HACD3: variants seen among roughly 807,000 people sequenced by gnomAD.
HACD3 encodes the protein 3-hydroxyacyl-CoA dehydratase 3, also known as very-long-chain (3R)-3-hydroxyacyl-CoA dehydratase 3.
HACD3 carries 30 observed loss-of-function variants against 55.2 expected under a neutral mutation model. The ratio of observed to expected loss-of-function variants is 0.54; its 90% CI spans 0.41 to 0.74. The LOEUF (loss-of-function observed/expected upper bound fraction) is 0.74, where lower values mean the gene tolerates loss of function less well. HACD3 is among the 30% of genes least tolerant of loss of function. The pLI is 0.00. For missense variants in HACD3, 363 were observed against 440.1 expected (o/e 0.82, Z 1.57); for synonymous variants, 141 against 151.7 (o/e 0.93, Z 0.52).
chr15:65,564,216 G>A lies in HACD3; in HGVS notation c.534G>A (p.Glu178=). The change falls in exon 7 of 11, where the codon GAG becomes GAA. Residue 178 remains glutamate (E), a splice_region_variant and synonymous_variant. Coordinates refer to ENST00000261875, the MANE Select transcript of HACD3 (RefSeq NM_016395.4). ...CTTAATGTATATTTTTGCCTATAGA[G>A]TCCTTTTATGACACATTCCATACTG... ...LTVRFCILGK[E]SFYDTFHTVA... is the part of the protein sequence containing the mutation. 1 of 1,612,688 alleles carries A rather than the reference G, an allele frequency of 6.2e-7. No homozygotes were observed. Among genetic ancestry groups the A allele is most frequent in the Non-Finnish European group, 8.5e-7 (1 of 1,179,346 alleles).
intron 1 of HACD3, among the ~76,000 whole-genome samples, chr15:65,546,638 A>G (rs550385486): frequency 1.3e-5 from 2 of 152,274 alleles, no homozygotes; most frequent in South Asian, 2.1e-4. Flanking sequence ...TCTGTCACCC[A>G]GGCTGGAGTC....
chr15:65,572,414 CAGT>C (rs769018273), intron 10 of HACD3, 48 bp downstream of exon 10: 3 of 1,457,438 alleles, frequency 2.1e-6, no homozygotes, highest in South Asian at 2.6e-5. Flanking sequence ...ACTTCTTAGA[CAGT>C]AGAATTAAAT....
At chr15:65,535,181 A>G (rs1450707525) in intron 1 of HACD3, among the ~76,000 whole-genome samples, 2 of 152,246 alleles carry the variant, frequency 1.3e-5, no homozygotes, top group African/African-American at 2.4e-5. Context: ...GACTATCTTT[A>G]TAATATTGGA....
At chr15:65,552,430 G>A (rs1183831390) in intron 2 of HACD3, among the ~76,000 whole-genome samples, 1 of 152,144 alleles carries the variant, frequency 6.6e-6, no homozygotes, top group Non-Finnish European at 1.5e-5. Context: ...CCGCCTCCTG[G>A]GTTCAAGTGA....
In HACD3 at chr15:65,576,356, C is replaced by CA; in HGVS notation, c.1073dup (p.Lys359GlufsTer10). On this transcript the variant is annotated frameshift_variant, in exon 11 of 11. Coordinates refer to ENST00000261875, the MANE Select transcript of HACD3 (RefSeq NM_016395.4). LOFTEE classifies it high-confidence loss of function. ...TAAACAGCGCAGACGGCGCTATGGA[C>CA]AAAAAAAGAAAAAGATCCACTAAAA... 1 of 1,599,608 alleles carries CA rather than the reference C, an allele frequency of 6.3e-7. No homozygotes were observed. Among genetic ancestry groups the CA allele is most frequent in the Non-Finnish European group, 8.5e-7 (1 of 1,173,308 alleles).
At chr15:65,561,188 C>T (rs2072240917) in intron 5 of HACD3, among the ~76,000 whole-genome samples, 1 of 152,058 alleles carries the variant, frequency 6.6e-6, no homozygotes, top group Admixed American at 6.6e-5. Context: ...ACTGGAGGGC[C>T]AGGCACGGTG....
Position 65,576,304 on chromosome 15 carries a change from T to C in HACD3, c.1014T>C (p.Gly338=). The change falls in exon 11 of 11, where the codon GGT becomes GGC. Residue 338 remains glycine, a splice_region_variant and synonymous_variant. Transcript: ENST00000261875. The part of the protein sequence containing the change: ...LQIYLIMIFL[G]LYINFRHLYK... ...TAATTGACCTCTTTTCTTTTTCAGG[T>C]TTATACATAAATTTTCGTCACCTTT... 6.3e-7 allele frequency: 1 copy of C among 1,591,542 alleles called. No individual in the cohort carries two copies. The highest frequency in any genetic ancestry group is 2.2e-5 in the East Asian group (1 of 44,590).
intron 1 of HACD3, among the ~76,000 whole-genome samples, chr15:65,540,987 G>A (rs1329848623): frequency 6.6e-6 from 1 of 152,074 alleles, no homozygotes; most frequent in African/African-American, 2.4e-5. Context: ...GAGAGGAAGG[G>A]AAAAGAATTA....
intron 1 of HACD3, among the ~76,000 whole-genome samples, chr15:65,533,188 A>T (rs148716028): frequency 6.1e-4 from 93 of 152,276 alleles, no homozygotes; most frequent in African/African-American, 2.1e-3. Context: ...TGGGTTTATT[A>T]CTCATTGCAT....
chr15:65,545,671 G>A (rs1174091784), intron 1 of HACD3, among the ~76,000 whole-genome samples: 4 of 151,272 alleles, frequency 2.6e-5, no homozygotes, highest in African/African-American at 9.7e-5. Context: ...AGCCAGGATG[G>A]CCTCTATCTC....
intron 7 of HACD3, among the ~76,000 whole-genome samples, chr15:65,568,328 TA>T (rs1211398905): frequency 6.6e-6 from 1 of 151,938 alleles, no homozygotes; most frequent in Non-Finnish European, 1.5e-5. Context: ...ACTAAACACT[TA>T]AAAAATGATT....
chr15:65,536,500 C>T (rs756749911), intron 1 of HACD3, among the ~76,000 whole-genome samples: 3 of 152,114 alleles, frequency 2.0e-5, no homozygotes, highest in Non-Finnish European at 4.4e-5. Flanking sequence ...ATGGCTCATG[C>T]CTGTAATCCC....
At chr15:65,533,354 G>A (rs959171361) in intron 1 of HACD3, among the ~76,000 whole-genome samples, 2 of 152,188 alleles carry the variant, frequency 1.3e-5, no homozygotes, top group Non-Finnish European at 2.9e-5. Context: ...TGGGAGTTTC[G>A]TGGTTGGGTA....
At chr15:65,541,847 G>C (rs2072021996) in intron 1 of HACD3, among the ~76,000 whole-genome samples, 1 of 152,002 alleles carries the variant, frequency 6.6e-6, no homozygotes, top group Middle Eastern at 3.2e-3. Flanking sequence ...TTTATGAGCT[G>C]ATAAGGATTT....
intron 1 of HACD3, among the ~76,000 whole-genome samples, chr15:65,541,971 C>T (rs1000106249): frequency 2.0e-5 from 3 of 152,000 alleles, no homozygotes; most frequent in African/African-American, 7.2e-5. Flanking sequence ...TGGCTCACGC[C>T]TGTAATCCCA....
chr15:65,572,927 A>AAAAT (rs1567341527), intron 10 of HACD3, among the ~76,000 whole-genome samples: 124 of 139,212 alleles, frequency 8.9e-4, no homozygotes, highest in African/African-American at 2.1e-3. Flanking sequence ...AAAAAAAAAA[A>AAAAT]AAATAAATAA....
intron 7 of HACD3, chr15:65,566,304 C>G (rs1001736383): frequency 6.1e-6 from 1 of 164,384 alleles, no homozygotes; most frequent in Non-Finnish European, 1.3e-5. Context: ...CAGCAACATC[C>G]AACTTTACTG....
chr15:65,556,943 C>T (rs778971958), intron 4 of HACD3, 40 bp downstream of exon 4: 1 of 1,567,844 alleles, frequency 6.4e-7, no homozygotes, highest in Non-Finnish European at 8.7e-7. Flanking sequence ...GAGGACAAAT[C>T]ATGGGGAACC....
intron 1 of HACD3, among the ~76,000 whole-genome samples, chr15:65,548,531 AGAT>A (rs1467621456): frequency 1.3e-5 from 2 of 148,800 alleles, no homozygotes; most frequent in African/African-American, 5.0e-5. Flanking sequence ...AAAAAAAAAA[AGAT>A]GATTAAGATG....
Sources: gnomAD v4.1 joint callset for allele counts (sites outside exome capture counted in the v4.1 genomes callset) on GRCh38, gnomAD v4.1.1 for gene constraint, MANE v1.5 for transcripts, NCBI Gene and HGNC (gene_info 2026-07-23, HGNC 2026-07-21) for gene names.